The following TECPR2 variants were observed in gnomAD, a reference collection of about 807,000 sequenced individuals.
TECPR2 encodes tectonin beta-propeller repeat containing 2.
In TECPR2, 65 loss-of-function variants were observed where a neutral mutation model predicts 138.1. The observed-to-expected ratio is 0.47, with a 90% confidence interval of 0.39 to 0.58. TECPR2 has a LOEUF of 0.58. TECPR2 is among the 20% of genes least tolerant of loss of function. The pLI, the probability that TECPR2 is intolerant of heterozygous loss-of-function variation, is 0.00. For synonymous variants in TECPR2, 746 were observed against 749.8 expected (o/e 0.99, Z 0.08); for missense variants, 1,553 against 1,824.5 (o/e 0.85, Z 2.71).
chr14:102,437,939 C>A, intron 9 of TECPR2, 83 bp from the exon 10 acceptor site: 1 of 1,478,328 alleles, frequency 6.8e-7, no homozygotes, highest in Non-Finnish European at 9.2e-7. Flanking sequence ...TTAATGATAT[C>A]CTCTCACCTT....
At chr14:102,393,570 T>A (rs1168918806) in intron 2 of TECPR2, among the ~76,000 whole-genome samples, 1 of 152,176 alleles carries the variant, frequency 6.6e-6, no homozygotes, top group Non-Finnish European at 1.5e-5. Context: ...TTTATTTATT[T>A]ATTTTTGAGA....
At position 102,440,441 on chromosome 14, in the gene TECPR2, C is replaced by G; in HGVS notation, c.2584C>G (p.Leu862Val). 6.2e-7 allele frequency: 1 copy of G among 1,614,044 alleles called. No homozygotes were observed. Among genetic ancestry groups the G allele is most frequent in the Non-Finnish European group, 8.5e-7 (1 of 1,179,972 alleles). Residue 862 changes from leucine to valine, a missense_variant, in exon 11 of 20, where the codon CTT becomes GTT. By Grantham distance (32) the Leu-to-Val change is conservative. Transcript: ENST00000359520. ...TAGAATTTTTATTTCCATAGGAGCC[C>G]TTCTCTGGAAGATTGAACAGAAATC... Reference protein sequence around the residue: ...QQVAVSPSGALLWKIEQKSNR... With the variant: ...QQVAVSPSGAVLWKIEQKSNR...
At chr14:102,466,469 A>G (rs1410381943) in intron 17 of TECPR2, among the ~76,000 whole-genome samples, 2 of 152,206 alleles carry the variant, frequency 1.3e-5, no homozygotes, top group Non-Finnish European at 2.9e-5. Context: ...TCCACCCTGC[A>G]GAGAGGAGCC....
At chr14:102,395,366 T>C (rs1339514138) in intron 2 of TECPR2, among the ~76,000 whole-genome samples, 1 of 152,242 alleles carries the variant, frequency 6.6e-6, no homozygotes, top group Admixed American at 6.5e-5. Flanking sequence ...AATGGTTTAC[T>C]GAAGATGTCG....
intron 2 of TECPR2, among the ~76,000 whole-genome samples, chr14:102,401,165 G>A (rs1041180243): frequency 6.6e-6 from 1 of 152,076 alleles, no homozygotes; most frequent in Non-Finnish European, 1.5e-5. Context: ...TGGGCTGGAC[G>A]CAGTGGCTCA....
intron 1 of TECPR2, among the ~76,000 whole-genome samples, chr14:102,375,345 CAAAAA>C (rs372672741): frequency 3.2e-4 from 48 of 147,868 alleles, no homozygotes; most frequent in African/African-American, 1.2e-3. Flanking sequence ...GACTGTGTCT[CAAAAA>C]AAAAGAAGAA....
rs12587555 is a variant in TECPR2, at chr14:102,370,920, T to C, written c.-72-5730T>C. Among the ~76,000 whole-genome samples, 64 of 152,326 alleles carry C rather than the reference T, an allele frequency of 4.2e-4. 1 individual carries two copies. The East Asian group carries it at 9.1e-3, about 22-fold the overall frequency. The stretch of plus-strand genomic sequence containing the variant: ...TCAGGGATGATGCTCCTTTTCTGGC[T>C]TGGTCAGCATGGCCCAGGCAACTGG... On this transcript the variant is annotated intron_variant, in intron 1 of 19. Transcript: ENST00000359520.
chr14:102,431,340 A>ATTTTTTTTTTTTTTTTTTTT (rs35092221), intron 7 of TECPR2, among the ~76,000 whole-genome samples: 1 of 111,738 alleles, frequency 8.9e-6, no homozygotes. Context: ...GTTTTGGTGG[A>ATTTTTTTTTTTTTTTTTTTT]TTTTTTTTTT....
rs375751221 is a variant in TECPR2, at chr14:102,496,807, C to T, written c.3790-172C>T. On this transcript the variant is annotated intron_variant, in intron 17 of 19. Transcript: ENST00000359520. The stretch of plus-strand genomic sequence containing the variant: ...ACCTGACATTCTGGAGACAAGTGAC[C>T]ATCTCCCCCGTGAGACTGGCACTAG... 3.2e-6 allele frequency: 3 copies of T among 932,832 alleles called. No homozygotes were observed. The South Asian group carries it at 5.0e-5, about 16-fold the overall frequency. The allele number at this position is 932,832 out of a possible 1,614,324, so 57.8% of individuals were successfully genotyped here.
chr14:102,385,926 AC>A (rs1273195410), intron 2 of TECPR2, among the ~76,000 whole-genome samples: 1 of 151,244 alleles, frequency 6.6e-6, no homozygotes, highest in East Asian at 1.9e-4. Flanking sequence ...TCAAAGTGAG[AC>A]CCTGCCTCAA....
At chr14:102,448,556 C>T (rs1046262243) in intron 13 of TECPR2, among the ~76,000 whole-genome samples, 5 of 152,024 alleles carry the variant, frequency 3.3e-5, no homozygotes, top group African/African-American at 1.2e-4. Flanking sequence ...TTAGTAGTCC[C>T]AATTCAGATC....
chr14:102,474,837 C>T (rs1332162892), intron 17 of TECPR2, among the ~76,000 whole-genome samples: 4 of 152,140 alleles, frequency 2.6e-5, no homozygotes, highest in Non-Finnish European at 5.9e-5. Flanking sequence ...GTAGGTTGTC[C>T]CCCCTTCCCC....
rs563691085 is a variant in TECPR2, at chr14:102,476,194, G to A, written c.3789+10905G>A. On this transcript the variant is annotated intron_variant, in intron 17 of 19. Coordinates refer to ENST00000359520, the MANE Select transcript of TECPR2 (RefSeq NM_014844.5). ...TGCACTCCAGCCTGGGCAACAGAGCGAGACTCTGTCTCAAAAAAAAAAAAA... is the reference window on the plus strand; with the variant it reads ...TGCACTCCAGCCTGGGCAACAGAGCAAGACTCTGTCTCAAAAAAAAAAAAA... Among the ~76,000 whole-genome samples the A allele has an allele frequency of 1.5e-3, 197 of 130,514 alleles. 4 individuals carry two copies. Among genetic ancestry groups the A allele is most frequent in the Middle Eastern group, 9.5e-3 (2 of 210 alleles). 85.6% of individuals were successfully genotyped at this position (130,514 alleles called of 152,430 possible).
intron 1 of TECPR2, among the ~76,000 whole-genome samples, chr14:102,366,623 A>G (rs1251094922): frequency 6.6e-6 from 1 of 152,244 alleles, no homozygotes; most frequent in Non-Finnish European, 1.5e-5. Flanking sequence ...CTGGGATTAC[A>G]GGCGTGAGCC....
In TECPR2 at chr14:102,465,163, G is replaced by T. The variant is rs1890525713; in HGVS notation, c.3663G>T (p.Leu1221Phe). Residue 1221 changes from leucine (L) to phenylalanine (F), a missense_variant, in exon 17 of 20, where the codon TTG becomes TTT. By Grantham distance (22) the Leu-to-Phe change is conservative. Transcript: ENST00000359520. ...SQLGAVKLTS[L>F]ACGNQHIWAC... Reference sequence around the variant, plus strand: ...CAGGAGCTGTAAAATTGACAAGCTTGGCATGTGGAAATCAGCACATCTGGG... The same window carrying T: ...CAGGAGCTGTAAAATTGACAAGCTTTGCATGTGGAAATCAGCACATCTGGG... 1 of 1,614,200 alleles carries T rather than the reference G, an allele frequency of 6.2e-7. No individual in the cohort carries two copies. The highest frequency in any genetic ancestry group is 8.5e-7 in the Non-Finnish European group (1 of 1,180,042).
At chr14:102,407,717 C>A (rs1004656034) in intron 3 of TECPR2, among the ~76,000 whole-genome samples, 1 of 151,898 alleles carries the variant, frequency 6.6e-6, no homozygotes. Context: ...CAAAATTTGG[C>A]CGGGTGCAGT....
At chr14:102,436,050 A>G (rs1889662147) in intron 9 of TECPR2, among the ~76,000 whole-genome samples, 1 of 152,220 alleles carries the variant, frequency 6.6e-6, no homozygotes, top group Admixed American at 6.5e-5. Context: ...ATGTGCAGGT[A>G]TCCCACAAAG....
intron 1 of TECPR2, among the ~76,000 whole-genome samples, chr14:102,367,091 G>A (rs1887363631): frequency 6.6e-6 from 1 of 152,220 alleles, no homozygotes; most frequent in South Asian, 2.1e-4. Flanking sequence ...GACGGGTAGA[G>A]AGGTGACAGG....
At chr14:102,363,326 G>T (rs866303684) in intron 1 of TECPR2, among the ~76,000 whole-genome samples, 1 of 152,086 alleles carries the variant, frequency 6.6e-6, no homozygotes, top group Admixed American at 6.5e-5. Context: ...CGCCTGGCTC[G>T]CCGCCCGCAG....
Sources: gnomAD v4.1 joint callset for allele counts (sites outside exome capture counted in the v4.1 genomes callset) on GRCh38, gnomAD v4.1.1 for gene constraint, MANE v1.5 for transcripts, NCBI Gene and HGNC (gene_info 2026-07-23, HGNC 2026-07-21) for gene names.